The following STOX2 variants were observed in gnomAD, a reference collection of about 807,000 sequenced individuals.
The protein encoded by STOX2 is storkhead-box protein 2.
STOX2 carries 28 observed loss-of-function variants against 60.9 expected under a neutral mutation model. That is an observed-to-expected ratio of 0.46 (90% CI 0.34 to 0.63). STOX2 has a LOEUF of 0.63. STOX2 is among the 30% of genes least tolerant of loss of function. The pLI, the probability that STOX2 is intolerant of heterozygous loss-of-function variation, is 0.01. For missense variants in STOX2, 1,024 were observed against 1,187.7 expected, an observed-to-expected ratio of 0.86 and a Z score of 2.03; for synonymous variants, 472 against 463.9, an observed-to-expected ratio of 1.02 and a Z score of -0.22.
chr4:183,968,349 C>T (rs1743640617), intron 1 of STOX2, among the ~76,000 whole-genome samples: 1 of 91,174 alleles, frequency 1.1e-5, no homozygotes, highest in South Asian at 2.7e-4. Flanking sequence ...TACCTACACA[C>T]ACACACACAC....
At chr4:183,998,697 A>G (rs116621499) in intron 1 of STOX2, among the ~76,000 whole-genome samples, 2,557 of 152,150 alleles carry the variant, frequency 0.017, 33 homozygotes, top group Middle Eastern at 0.044. Flanking sequence ...GCGTGCCAGC[A>G]TGCCTGGCTA....
chr4:183,889,998 G>T (rs1413949257), intron 1 of STOX2, among the ~76,000 whole-genome samples: 1 of 152,164 alleles, frequency 6.6e-6, no homozygotes, highest in Admixed American at 6.5e-5. Context: ...AGCCTGAGAA[G>T]CTTCTAGGTT....
At chr4:183,890,458 G>A (rs962060878) in intron 1 of STOX2, among the ~76,000 whole-genome samples, 2 of 123,164 alleles carry the variant, frequency 1.6e-5, no homozygotes, top group Admixed American at 9.0e-5. Context: ...ACTCCAGCCT[G>A]GGCAACAGAG....
chr4:183,924,822 A>G (rs1459236785), intron 1 of STOX2, among the ~76,000 whole-genome samples: 1 of 152,118 alleles, frequency 6.6e-6, no homozygotes, highest in East Asian at 1.9e-4. Context: ...AGTTGGCTGC[A>G]AGAGTTGGAA....
rs1211102774 is a variant in STOX2 at position 183,806,270 on chromosome 4, G to T, written c.364+8215G>T. ...TGTCAGTGTAAAATGACTTGCTTCT[G>T]TAAGCAGGATGTCACCTCCCCACTC... On this transcript the variant is annotated intron_variant, in intron 1 of 2. Transcript: ENST00000513034. This position sits in a 1 kb window ranked among gnomAD's most constrained non-coding sequence, Gnocchi z 4.1. Among the ~76,000 whole-genome samples the T allele has an allele frequency of 1.3e-5, 2 of 152,176 alleles. No individual in the cohort carries two copies. The highest frequency in any genetic ancestry group is 1.5e-5 in the Non-Finnish European group (1 of 68,036).
intron 1 of STOX2, among the ~76,000 whole-genome samples, chr4:183,951,024 G>A (rs1474275726): frequency 2.0e-5 from 3 of 151,888 alleles, no homozygotes. Context: ...GACCATCCTG[G>A]CTAACACGGT....
chr4:183,811,525 C>T (rs748271321), intron 1 of STOX2, among the ~76,000 whole-genome samples: 1 of 152,192 alleles, frequency 6.6e-6, no homozygotes, highest in Non-Finnish European at 1.5e-5. Flanking sequence ...AATCTTCCAT[C>T]TCCTTCATGT....
intron 1 of STOX2, among the ~76,000 whole-genome samples, chr4:183,989,749 C>T (rs1187015731): frequency 6.6e-6 from 1 of 152,114 alleles, no homozygotes; most frequent in African/African-American, 2.4e-5. Context: ...GGGCTTTTCA[C>T]ACGAAAGCTT....
At position 183,836,678 on chromosome 4, in the gene STOX2, C is replaced by T. The variant is rs988043899; in HGVS notation, c.364+38623C>T. On this transcript the variant is annotated intron_variant, in intron 1 of 2. Coordinates refer to the STOX2 transcript ENST00000513034. The surrounding 1 kb of genome is among the most constrained non-coding windows in gnomAD (Gnocchi z 4.1). ...ATTAGTGAGCATCAGCAGTGTCCAT[C>T]GCAGTCACCGTCTCCCATTTCGTGG... is the stretch of plus-strand genomic sequence containing the variant. Among the ~76,000 whole-genome samples, 3 of 152,150 alleles carry T rather than the reference C, an allele frequency of 2.0e-5. No individual in the cohort carries two copies. The highest frequency in any genetic ancestry group is 4.8e-5 in the African/African-American group (2 of 41,428).
At chr4:183,950,282 G>T (rs1345902522) in intron 1 of STOX2, among the ~76,000 whole-genome samples, 1 of 152,146 alleles carries the variant, frequency 6.6e-6, no homozygotes, top group Non-Finnish European at 1.5e-5. Context: ...ATTATCCAAG[G>T]ATATCGGGTA....
chr4:183,873,916 C>G (rs1243178733), intron 1 of STOX2, among the ~76,000 whole-genome samples: 1 of 152,160 alleles, frequency 6.6e-6, no homozygotes, highest in Non-Finnish European at 1.5e-5. Context: ...AACGACACCT[C>G]CAATTGGAGA....
chr4:183,868,164 A>G (rs1319126426), intron 1 of STOX2, among the ~76,000 whole-genome samples: 7 of 152,126 alleles, frequency 4.6e-5, no homozygotes, highest in Non-Finnish European at 1.0e-4. Context: ...AAACATTTAG[A>G]TGGCAGTTCA....
At chr4:183,915,569 A>C (rs1400945892) in intron 1 of STOX2, among the ~76,000 whole-genome samples, 1 of 152,172 alleles carries the variant, frequency 6.6e-6, no homozygotes. Context: ...CTTATTTGGA[A>C]ATCAGGTCAT....
intron 1 of STOX2, among the ~76,000 whole-genome samples, chr4:183,931,330 G>A (rs541276493): frequency 2.6e-5 from 4 of 152,138 alleles, no homozygotes; most frequent in South Asian, 4.2e-4. Context: ...TGGCTGAGGC[G>A]GGAGAATCGC....
chr4:183,798,580 T>G (rs1738688440), intron 1 of STOX2: 1 of 975,980 alleles, frequency 1.0e-6, no homozygotes, highest in African/African-American at 1.8e-5. Context: ...GGCTGAGTGT[T>G]GCGCGCACGC....
At chr4:183,919,950 G>GT (rs951145117) in intron 1 of STOX2, among the ~76,000 whole-genome samples, 23 of 152,204 alleles carry the variant, frequency 1.5e-4, no homozygotes, top group African/African-American at 5.5e-4. Context: ...TGGTACCTGT[G>GT]TAAGTGTCAC....
At chr4:183,923,468 A>G (rs1029917974) in intron 1 of STOX2, among the ~76,000 whole-genome samples, 3 of 152,200 alleles carry the variant, frequency 2.0e-5, no homozygotes, top group Non-Finnish European at 4.4e-5. Flanking sequence ...GATCAGCTGG[A>G]GTCTTTCTTA....
At chr4:183,833,997 A>AC (rs1284729765) in intron 1 of STOX2, among the ~76,000 whole-genome samples, 8 of 151,598 alleles carry the variant, frequency 5.3e-5, no homozygotes, top group Non-Finnish European at 1.2e-4. Context: ...AAAAAAAAAA[A>AC]AAAAGAATGT....
chr4:183,945,523 A>G (rs1579449429), intron 1 of STOX2, among the ~76,000 whole-genome samples: 1 of 152,212 alleles, frequency 6.6e-6, no homozygotes, highest in South Asian at 2.1e-4. Flanking sequence ...AGTTGTGCTC[A>G]AGATGGTTTT....
Sources: allele counts gnomAD v4.1 joint callset (sites outside exome capture counted in the v4.1 genomes callset), GRCh38; gene constraint gnomAD v4.1.1; non-coding constraint Gnocchi (gnomAD v3.1); transcripts MANE v1.5; gene names NCBI Gene and HGNC (gene_info 2026-07-23, HGNC 2026-07-21).